AKR1C8: variants seen among roughly 807,000 people sequenced by gnomAD.
AKR1C8 encodes aldo-keto reductase family 1 member C-like protein 1.
the AKR1C8 span, among the ~76,000 whole-genome samples, chr10:5,178,298 G>C: frequency 6.6e-6 from 1 of 152,118 alleles, no homozygotes; most frequent in Non-Finnish European, 1.5e-5. Flanking sequence ...TTTTGAGTGA[G>C]TTTCTTAATC....
At chr10:5,130,969 G>C in the AKR1C8 span, among the ~76,000 whole-genome samples, 1 of 151,932 alleles carries the variant, frequency 6.6e-6, no homozygotes, top group East Asian at 1.9e-4. Flanking sequence ...AGTTAGGAAA[G>C]GAGCATAGTA....
chr10:5,125,961 G>A, the AKR1C8 span, among the ~76,000 whole-genome samples: 59,685 of 152,098 alleles, frequency 0.39, 12,521 homozygotes, highest in Non-Finnish European at 0.43. Flanking sequence ...TGTAATGGAA[G>A]GAGCGTCACA....
At chr10:5,162,983 G>T in the AKR1C8 span, 20 of 534,420 alleles carry the variant, frequency 3.7e-5, no homozygotes, top group South Asian at 2.8e-4. Context: ...TACGTCAATA[G>T]CCACTTTGGT....
the AKR1C8 span, among the ~76,000 whole-genome samples, chr10:5,182,028 T>TA: frequency 3.9e-5 from 6 of 152,188 alleles, no homozygotes; most frequent in Non-Finnish European, 8.8e-5. Context: ...AACTTTTCAC[T>TA]AAAAAATTAC....
the AKR1C8 span, among the ~76,000 whole-genome samples, chr10:5,184,469 C>A: frequency 6.6e-6 from 1 of 152,168 alleles, no homozygotes; most frequent in Non-Finnish European, 1.5e-5. Context: ...ATGGTTGAAA[C>A]TCTCTGGCAA....
chr10:5,124,921 T>A, the AKR1C8 span, among the ~76,000 whole-genome samples: 5 of 152,020 alleles, frequency 3.3e-5, no homozygotes, highest in Admixed American at 1.3e-4. Context: ...TCTCCAAAAA[T>A]GTTTAACCTC....
the AKR1C8 span, among the ~76,000 whole-genome samples, chr10:5,147,245 C>G: frequency 6.6e-6 from 1 of 152,234 alleles, no homozygotes; most frequent in East Asian, 1.9e-4. Flanking sequence ...GGCAGAGCAC[C>G]AAGCCACTCA....
At chr10:5,179,059 G>C in the AKR1C8 span, among the ~76,000 whole-genome samples, 1 of 152,186 alleles carries the variant, frequency 6.6e-6, no homozygotes, top group Admixed American at 6.5e-5. Flanking sequence ...AGTTGATGCA[G>C]TTTCTTCCTA....
the AKR1C8 span, chr10:5,159,949 G>C: frequency 2.0e-6 from 1 of 494,566 alleles, no homozygotes; most frequent in South Asian, 1.5e-5. Context: ...GCTTGTGATT[G>C]AAATTGGACA....
chr10:5,164,151 C>T, the AKR1C8 span, among the ~76,000 whole-genome samples: 12 of 152,204 alleles, frequency 7.9e-5, no homozygotes, highest in Middle Eastern at 3.4e-3. Flanking sequence ...CTATTAGTCT[C>T]GGACCAAGGT....
chr10:5,173,456 G>C, the AKR1C8 span, among the ~76,000 whole-genome samples: 1 of 151,990 alleles, frequency 6.6e-6, no homozygotes, highest in South Asian at 2.1e-4. Flanking sequence ...AGGAACCAAA[G>C]GGGGCAGAGG....
chr10:5,155,157 A>G, the AKR1C8 span: 1 of 152,184 alleles, frequency 6.6e-6, no homozygotes, highest in Non-Finnish European at 1.5e-5. Flanking sequence ...ATACCACATT[A>G]AGGCTTCCCT....
chr10:5,150,615 T>C, the AKR1C8 span, among the ~76,000 whole-genome samples: 3 of 152,240 alleles, frequency 2.0e-5, no homozygotes, highest in South Asian at 4.1e-4. Flanking sequence ...AAAGACTAAA[T>C]GTGTAACTTG....
At chr10:5,125,137 C>T in the AKR1C8 span, among the ~76,000 whole-genome samples, 1 of 152,032 alleles carries the variant, frequency 6.6e-6, no homozygotes, top group Non-Finnish European at 1.5e-5. Flanking sequence ...AAGTTGTACA[C>T]ATCTTTTATT....
At chr10:5,142,368 C>T in the AKR1C8 span, among the ~76,000 whole-genome samples, 1 of 152,120 alleles carries the variant, frequency 6.6e-6, no homozygotes, top group African/African-American at 2.4e-5. Context: ...TGGAGTAGCA[C>T]TGTAGTTTCC....
the AKR1C8 span, among the ~76,000 whole-genome samples, chr10:5,164,717 G>A: frequency 6.6e-6 from 1 of 152,050 alleles, no homozygotes; most frequent in Non-Finnish European, 1.5e-5. Context: ...TTCCACTCCA[G>A]TTTTCTTTCA....
the AKR1C8 span, among the ~76,000 whole-genome samples, chr10:5,163,756 C>T: frequency 6.6e-6 from 1 of 152,172 alleles, no homozygotes; most frequent in Non-Finnish European, 1.5e-5. Context: ...AAGACAAAGG[C>T]CCAACATAAA....
At chr10:5,139,414 C>CA in the AKR1C8 span, among the ~76,000 whole-genome samples, 1 of 152,186 alleles carries the variant, frequency 6.6e-6, no homozygotes, top group Non-Finnish European at 1.5e-5. Context: ...TACAAGGCTA[C>CA]AGTAACCAAA....
At chr10:5,157,577 G>T in the AKR1C8 span, 1 of 431,880 alleles carries the variant, frequency 2.3e-6, no homozygotes, top group Admixed American at 2.6e-5. Context: ...CCATGTAAGA[G>T]AGATCGCCCA....
Sources: allele counts gnomAD v4.1 joint callset (sites outside exome capture counted in the v4.1 genomes callset), GRCh38; gene constraint gnomAD v4.1.1; transcripts MANE v1.5; gene names NCBI Gene and HGNC (gene_info 2026-07-23, HGNC 2026-07-21).